The following SYNRG variants were observed in gnomAD, a reference collection of about 807,000 sequenced individuals.
The protein encoded by SYNRG is AP1 gamma subunit binding protein 1.
SYNRG carries 37 observed loss-of-function variants against 130.9 expected under a neutral mutation model. That is an observed-to-expected ratio of 0.28 (90% CI 0.22 to 0.37). The LOEUF is 0.37. Ranked by LOEUF, SYNRG falls within the 10% of genes least tolerant of loss-of-function variation. SYNRG has a pLI of 1.00. For synonymous variants in SYNRG, 539 were observed against 568.1 expected (o/e 0.95, Z 0.73); for missense variants, 1,338 against 1,588.9 (o/e 0.84, Z 2.68).
rs542739839 is a variant in SYNRG at position 37,589,673 on chromosome 17, C to A, written c.241-3124G>T. Reference sequence around the variant, plus strand: ...CTGAGGCAGGAGAACGGTGTGAACCCGGGAGGCAGAGCATGCAGTGAGCCA... The same window carrying A: ...CTGAGGCAGGAGAACGGTGTGAACCAGGGAGGCAGAGCATGCAGTGAGCCA... On this transcript the variant is annotated intron_variant, in intron 3 of 21. Coordinates refer to ENST00000612223, the MANE Select transcript of SYNRG (RefSeq NM_007247.6). Among the ~76,000 whole-genome samples the A allele has an allele frequency of 5.9e-5, 9 of 151,518 alleles. No individual in the cohort carries two copies. The East Asian group carries it at 1.6e-3, about 26-fold the overall frequency.
intron 15 of SYNRG, 95 bp downstream of exon 15, chr17:37,541,877 T>C (rs1464580417): frequency 2.6e-6 from 3 of 1,175,088 alleles, no homozygotes; most frequent in Non-Finnish European, 3.6e-6. Flanking sequence ...ATCTATTTCC[T>C]GCGAAACCAG....
chr17:37,546,469 G>A (rs1003146276), intron 14 of SYNRG, among the ~76,000 whole-genome samples: 2 of 152,146 alleles, frequency 1.3e-5, no homozygotes, highest in African/African-American at 4.8e-5. Flanking sequence ...AGAAATAAAT[G>A]TATACGATCT....
At chr17:37,539,320 A>G in intron 16 of SYNRG, 75 bp from the exon 17 acceptor site, 24 of 1,480,570 alleles carry the variant, frequency 1.6e-5, no homozygotes, top group Non-Finnish European at 2.0e-5. Flanking sequence ...GTCAATTCAA[A>G]GTGCTTGGAG....
intron 18 of SYNRG, 140 bp from the exon 19 acceptor site, chr17:37,536,267 CCAATCCACTTCT>C: frequency 9.7e-7 from 1 of 1,035,562 alleles, no homozygotes; most frequent in African/African-American, 1.6e-5. Context: ...TTCTTTGGGA[CCAATCCACTTCT>C]CAATGCTGCT....
intron 11 of SYNRG, chr17:37,567,368 A>C (rs1473828066): frequency 6.6e-6 from 1 of 152,242 alleles, no homozygotes; most frequent in Non-Finnish European, 1.5e-5. Flanking sequence ...GATTTAACAC[A>C]TTTTTATGTG....
intron 8 of SYNRG, among the ~76,000 whole-genome samples, chr17:37,574,357 T>A (rs1411118374): frequency 6.6e-6 from 1 of 152,206 alleles, no homozygotes; most frequent in Non-Finnish European, 1.5e-5. Context: ...AAAGATGTCT[T>A]GAGTAATAAC....
intron 3 of SYNRG, among the ~76,000 whole-genome samples, chr17:37,594,475 T>TTG (rs1221867109): frequency 3.4e-5 from 5 of 147,526 alleles, no homozygotes; most frequent in African/African-American, 1.2e-4. Context: ...TTTTTTTTTT[T>TTG]TTTTTGAGAT....
chr17:37,542,513 T>C lies in SYNRG; in HGVS notation c.2661A>G (p.Ala887=). ...AAFGSYSSNF[A]VSTLTSYDWS... is the part of the protein sequence containing the mutation. ...AGTCATAGCTTGTAAGTGTGCTCAC[T>C]GCAAAATTGCTACTGTAGCTTCCAA... The change falls in exon 15 of 22, where the codon GCA becomes GCG. Residue 887 remains alanine (A), a synonymous_variant. Transcript: ENST00000612223. 1 of 1,613,222 alleles carries C rather than the reference T, an allele frequency of 6.2e-7. No homozygotes were observed. Among genetic ancestry groups the C allele is most frequent in the Non-Finnish European group, 8.5e-7 (1 of 1,180,028 alleles).
intron 12 of SYNRG, 93 bp downstream of exon 12, chr17:37,561,360 TATACAGGCATTTTACATA>T: frequency 1.4e-6 from 2 of 1,417,282 alleles, no homozygotes; most frequent in Non-Finnish European, 2.0e-6. Context: ...TAACATGTGG[TATACAGGCATTTTACATA>T]TTTAGCACAG....
At position 37,517,282 on chromosome 17, in the gene SYNRG, G is replaced by C. The variant is rs2054502974; in HGVS notation, c.*1658C>G. On this transcript the variant is annotated 3_prime_UTR_variant, in exon 22 of 22. Transcript: ENST00000612223. Reference sequence around the variant, plus strand: ...TGCATTCCAGCTCCATGTGGAAGTGGTGCTGTCCAGGATGGAAGCGCCGAG... The same window carrying C: ...TGCATTCCAGCTCCATGTGGAAGTGCTGCTGTCCAGGATGGAAGCGCCGAG... 1.3e-5 allele frequency: 2 copies of C among 152,118 alleles called. No homozygotes were observed. Among genetic ancestry groups the C allele is most frequent in the African/African-American group, 4.8e-5 (2 of 41,348 alleles). The allele number at this position is 152,118 out of a possible 1,614,324, so 9.4% of individuals were successfully genotyped here. A position where few individuals can be genotyped will look rare whatever the true frequency, so the allele number is the denominator to read the frequency against.
rs2058851394 is a variant in SYNRG, at chr17:37,553,375, T to G, written c.2348A>C (p.Lys783Thr). 6.2e-7 allele frequency: 1 copy of G among 1,614,166 alleles called. No homozygotes were observed. The highest frequency in any genetic ancestry group is 1.7e-5 in the Admixed American group (1 of 60,026). The change falls in exon 14 of 22, where the codon AAA (lysine) becomes ACA (threonine). Residue 783 changes from lysine to threonine, a missense_variant. Transcript: ENST00000612223. Reference sequence around the variant, plus strand: ...TTTGTCCGAGTTTATGGAAGAAAATTTACTGGAGTGGAAGTCAGCAAAATC... The same window carrying G: ...TTTGTCCGAGTTTATGGAAGAAAATGTACTGGAGTGGAAGTCAGCAAAATC... Reference protein sequence around the residue: ...DDDFADFHSSKFSSINSDKSL... With the variant: ...DDDFADFHSSTFSSINSDKSL...
chr17:37,597,719 C>T (rs2062902295), intron 2 of SYNRG, among the ~76,000 whole-genome samples: 1 of 152,180 alleles, frequency 6.6e-6, no homozygotes, highest in Admixed American at 6.6e-5. Context: ...GAATATACAT[C>T]CCTTTGGGAT....
In SYNRG at chr17:37,571,932, G is replaced by A. The variant is rs1259257971; in HGVS notation, c.957C>T (p.Ala319=). 6.2e-7 allele frequency: 1 copy of A among 1,614,088 alleles called. No individual in the cohort carries two copies. Residue 319 remains alanine, a synonymous_variant, in exon 9 of 22, where the codon GCC becomes GCT. Coordinates refer to ENST00000612223, the MANE Select transcript of SYNRG (RefSeq NM_007247.6). Reference sequence around the variant, plus strand: ...ATGACATCAGAATGGGATACAGTTTGGCAGTATCTATTCCAGTTGGAGTCA... The same window carrying A: ...ATGACATCAGAATGGGATACAGTTTAGCAGTATCTATTCCAGTTGGAGTCA... The part of the protein sequence containing the change: ...TTMTPTGIDT[A]KLYPILMSSG...
intron 11 of SYNRG, among the ~76,000 whole-genome samples, chr17:37,563,604 T>C (rs962532696): frequency 2.0e-5 from 3 of 152,154 alleles, no homozygotes; most frequent in Admixed American, 2.0e-4. Context: ...CATAGCACAC[T>C]GCAGTTTCGA....
intron 12 of SYNRG, 78 bp from the exon 13 acceptor site, chr17:37,561,335 T>G: frequency 6.6e-7 from 1 of 1,518,070 alleles, no homozygotes; most frequent in Non-Finnish European, 9.1e-7. Flanking sequence ...GCAGATTGGT[T>G]TAACCAAACA....
intron 4 of SYNRG, among the ~76,000 whole-genome samples, chr17:37,585,994 CTTT>C (rs757072906): frequency 1.3e-5 from 2 of 152,014 alleles, no homozygotes; most frequent in Non-Finnish European, 2.9e-5. Context: ...TTTAAAGAGG[CTTT>C]TTTGTTTTTG....
At chr17:37,589,434 C>T (rs947957134) in intron 3 of SYNRG, among the ~76,000 whole-genome samples, 2 of 152,116 alleles carry the variant, frequency 1.3e-5, no homozygotes, top group African/African-American at 2.4e-5. Flanking sequence ...CAGGAATAAT[C>T]ATAGAAATCA....
chr17:37,559,786 G>T (rs2059391443), intron 13 of SYNRG, among the ~76,000 whole-genome samples: 1 of 152,048 alleles, frequency 6.6e-6, no homozygotes, highest in Non-Finnish European at 1.5e-5. Context: ...GTACATTGTT[G>T]AGCAGTGTAA....
intron 3 of SYNRG, among the ~76,000 whole-genome samples, chr17:37,588,911 A>C (rs1199395883): frequency 6.6e-6 from 1 of 152,232 alleles, no homozygotes; most frequent in African/African-American, 2.4e-5. Context: ...TTCTTGAGGA[A>C]CATTCAAATT....
Sources: allele counts gnomAD v4.1 joint callset (sites outside exome capture counted in the v4.1 genomes callset), GRCh38; gene constraint gnomAD v4.1.1; transcripts MANE v1.5; gene names NCBI Gene and HGNC (gene_info 2026-07-23, HGNC 2026-07-21).